The following BOK variants were observed in gnomAD, a reference collection of about 807,000 sequenced individuals.
BOK encodes bcl-2-related ovarian killer protein.
BOK carries 20 observed loss-of-function variants against 18.3 expected under a neutral mutation model. That is an observed-to-expected ratio of 1.09 (90% CI 0.77 to 1.59). The LOEUF (loss-of-function observed/expected upper bound fraction) is 1.59. Ranked by LOEUF, BOK falls within the 40% of genes most tolerant of loss-of-function variation. The pLI, the probability that BOK is intolerant of heterozygous loss-of-function variation, is 0.00. For missense variants in BOK, 348 were observed against 307.9 expected (o/e 1.13, Z -0.97); for synonymous variants, 173 against 142.4 (o/e 1.21, Z -1.53).
chr2:241,560,122 G>A lies in BOK; in HGVS notation c.220+419G>A, dbSNP rs891746623. The A allele has an allele frequency of 2.5e-5, 25 of 985,286 alleles. No individual in the cohort carries two copies. The African/African-American group carries it at 4.0e-4, about 16-fold the overall frequency. The allele number at this position is 985,286 out of a possible 1,614,324, so 61.0% of individuals were successfully genotyped here. Reference sequence around the variant, plus strand: ...CGCCCGCTGCCCTCTGGATTCCGAGGCCTCCGAGGCCCCCCCATTGGAAAC... The same window carrying A: ...CGCCCGCTGCCCTCTGGATTCCGAGACCTCCGAGGCCCCCCCATTGGAAAC... On this transcript the variant is annotated intron_variant, in intron 2 of 4. Transcript: ENST00000318407.
intron 1 of BOK, among the ~76,000 whole-genome samples, chr2:241,552,065 G>A (rs1332623009): frequency 6.6e-6 from 1 of 152,198 alleles, no homozygotes; most frequent in Non-Finnish European, 1.5e-5. Flanking sequence ...TCTCACTGAG[G>A]GTGCTGGGGC....
Position 241,572,454 on chromosome 2 carries a change from C to T in BOK, c.*32C>T, listed in dbSNP as rs1027584464. Reference sequence around the variant, plus strand: ...CACCTGGCAGTGGCCGCAGCCTGGCCCTCTGGGCCCAACGCAGGAGGCCCT... The same window carrying T: ...CACCTGGCAGTGGCCGCAGCCTGGCTCTCTGGGCCCAACGCAGGAGGCCCT... On this transcript the variant is annotated 3_prime_UTR_variant, in exon 5 of 5. Coordinates refer to ENST00000318407, the MANE Select transcript of BOK (RefSeq NM_032515.5). 3 of 1,583,734 alleles carry T rather than the reference C, an allele frequency of 1.9e-6. No individual in the cohort carries two copies. Among genetic ancestry groups the T allele is most frequent in the African/African-American group, 1.3e-5 (1 of 74,760 alleles).
intron 4 of BOK, among the ~76,000 whole-genome samples, chr2:241,571,058 TCAC>T (rs2066710218): frequency 9.5e-6 from 1 of 105,532 alleles, no homozygotes; most frequent in African/African-American, 3.8e-5. Flanking sequence ...GGATGGGTGG[TCAC>T]CTGAGCACTC....
intron 3 of BOK, among the ~76,000 whole-genome samples, chr2:241,567,177 G>A (rs768137345): frequency 7.8e-6 from 1 of 127,992 alleles, no homozygotes; most frequent in Non-Finnish European, 1.6e-5. Flanking sequence ...CTCTTTTGCC[G>A]AGGCTGGAAT....
chr2:241,559,679 G>T lies in BOK; in HGVS notation c.196G>T (p.Val66Leu). The part of the protein sequence containing the change: ...AAPVPGRLAE[V>L]CAVLLRLGDE... ...GCCGGTCCCGGGACGCCTGGCTGAG[G>T]TGTGCGCGGTGCTGCTGCGCCTGGG... The change falls in exon 2 of 5, where the codon GTG (valine) becomes TTG (leucine). Residue 66 changes from valine to leucine, a missense_variant. Val to Leu is a conservative substitution (Grantham distance 32). Transcript: ENST00000318407. The T allele has an allele frequency of 7.4e-7, 1 of 1,356,132 alleles. No homozygotes were observed. The highest frequency in any genetic ancestry group is 1.8e-5 in the South Asian group (1 of 54,198). 84.0% of individuals were successfully genotyped at this position (1,356,132 alleles called of 1,614,324 possible). A position where few individuals can be genotyped will look rare whatever the true frequency, so the allele number is the denominator to read the frequency against.
chr2:241,569,524 A>C (rs2066672225), intron 3 of BOK, among the ~76,000 whole-genome samples: 1 of 152,062 alleles, frequency 6.6e-6, no homozygotes, highest in Admixed American at 6.5e-5. Context: ...TCTTATTATA[A>C]TTTTCTTTTG....
rs1262608826 is a variant in BOK, at chr2:241,562,912, C to T, written c.349+436C>T. Among the ~76,000 whole-genome samples the T allele has an allele frequency of 6.6e-6, 1 of 152,190 alleles. No homozygotes were observed. The highest frequency in any genetic ancestry group is 1.5e-5 in the Non-Finnish European group (1 of 68,028). The stretch of plus-strand genomic sequence containing the variant: ...TTCCCAGACAGCTCCCGAGTAGATG[C>T]TGCCAGGCTGTTAGGATATACCCTC... On this transcript the variant is annotated intron_variant, in intron 3 of 4. Coordinates refer to ENST00000318407, the MANE Select transcript of BOK (RefSeq NM_032515.5). This position sits in a 1 kb window ranked among gnomAD's most constrained non-coding sequence, Gnocchi z 4.5.
chr2:241,567,163 T>C lies in BOK; in HGVS notation c.350-2962T>C, dbSNP rs1456957475. On this transcript the variant is annotated intron_variant, in intron 3 of 4. Coordinates refer to ENST00000318407, the MANE Select transcript of BOK (RefSeq NM_032515.5). Reference sequence around the variant, plus strand: ...TATGTTCTTTTTTTTTTTTTTAATTTTTGCTCTTTTGCCGAGGCTGGAATG... The same window carrying C: ...TATGTTCTTTTTTTTTTTTTTAATTCTTGCTCTTTTGCCGAGGCTGGAATG... 3.8e-5 allele frequency among the ~76,000 whole-genome samples: 5 copies of C among 130,282 alleles called. 1 individual carries two copies. The highest frequency in any genetic ancestry group is 8.1e-5 in the Non-Finnish European group (5 of 61,622). The allele number at this position is 130,282 out of a possible 152,430, so 85.5% of individuals were successfully genotyped here. A position where few individuals can be genotyped will look rare whatever the true frequency, so the allele number is the denominator to read the frequency against.
rs557817108 is a variant in BOK at position 241,567,517 on chromosome 2, A to G, written c.350-2608A>G. Among the ~76,000 whole-genome samples the G allele has an allele frequency of 6.7e-5, 9 of 135,148 alleles. 2 individuals are homozygous for G. Among genetic ancestry groups the G allele is most frequent in the Non-Finnish European group, 1.4e-4 (9 of 63,060 alleles). 88.7% of individuals were successfully genotyped at this position (135,148 alleles called of 152,430 possible). A position where few individuals can be genotyped will look rare whatever the true frequency, so the allele number is the denominator to read the frequency against. On this transcript the variant is annotated intron_variant, in intron 3 of 4. Transcript: ENST00000318407. ...GCTGACATCAGGCTCCGCTCCCCGCATGGCCGTGCCCTTGAAGGAGGAACA... is the reference window on the plus strand; with the variant it reads ...GCTGACATCAGGCTCCGCTCCCCGCGTGGCCGTGCCCTTGAAGGAGGAACA...
intron 3 of BOK, among the ~76,000 whole-genome samples, chr2:241,569,882 C>T (rs1002660297): frequency 2.6e-5 from 4 of 152,238 alleles, no homozygotes; most frequent in Non-Finnish European, 4.4e-5. Context: ...CCTCACCCCA[C>T]GTTGTCCCTG....
At chr2:241,556,581 CAAAA>C (rs55866928), upstream of BOK, among the ~76,000 whole-genome samples, 1 of 86,794 alleles carries the variant, frequency 1.2e-5, no homozygotes. Context: ...GACTCCGTCT[CAAAA>C]AAAAAAAAAA....
intron 2 of BOK, chr2:241,560,270 G>A (rs1194169742): frequency 2.0e-6 from 2 of 985,066 alleles, no homozygotes; most frequent in African/African-American, 3.5e-5. Flanking sequence ...CCAAGGTCTG[G>A]ACCCAAGAGG....
upstream of BOK, among the ~76,000 whole-genome samples, chr2:241,557,195 T>A (rs570994135): frequency 1.3e-5 from 2 of 152,292 alleles, no homozygotes; most frequent in East Asian, 3.9e-4. Flanking sequence ...TTTTTTGCTT[T>A]ATTCCATTAA....
intron 3 of BOK, among the ~76,000 whole-genome samples, chr2:241,565,059 G>A (rs1456276996): frequency 3.3e-5 from 5 of 152,276 alleles, no homozygotes; most frequent in African/African-American, 4.8e-5. Flanking sequence ...ATGGCTGGAC[G>A]AGCGGGCACA....
rs1423604901 is a variant in BOK at position 241,559,523 on chromosome 2, A to C, written c.40A>C (p.Ile14Leu). ...GCGCTCCTCGGTCTTCGCCGCCGAG[A>C]TCATGGACGCCTTTGACCGCTCGCC... Reference protein sequence around the residue: ...LRRSSVFAAEIMDAFDRSPTD... With the variant: ...LRRSSVFAAELMDAFDRSPTD... Residue 14 changes from isoleucine to leucine, a missense_variant, in exon 2 of 5, where the codon ATC becomes CTC. Physicochemically the swap from Ile to Leu is conservative, Grantham distance 5 (BLOSUM62 2). Coordinates refer to ENST00000318407, the MANE Select transcript of BOK (RefSeq NM_032515.5). 1.3e-6 allele frequency: 2 copies of C among 1,512,340 alleles called. No individual in the cohort carries two copies. Among genetic ancestry groups the C allele is most frequent in the Admixed American group, 4.2e-5 (2 of 47,924 alleles). 93.7% of individuals were successfully genotyped at this position (1,512,340 alleles called of 1,614,324 possible).
intron 1 of BOK, among the ~76,000 whole-genome samples, chr2:241,553,494 C>T (rs1248517866): frequency 2.6e-5 from 4 of 152,108 alleles, no homozygotes; most frequent in Non-Finnish European, 4.4e-5. Context: ...AATTGGCTCA[C>T]GGTTCCACAG....
At position 241,562,122 on chromosome 2, in the gene BOK, C is replaced by T. The variant is rs1348859806; in HGVS notation, c.221-226C>T. 1.3e-5 allele frequency among the ~76,000 whole-genome samples: 2 copies of T among 152,194 alleles called. No individual in the cohort carries two copies. The highest frequency in any genetic ancestry group is 2.9e-5 in the Non-Finnish European group (2 of 68,032). On this transcript the variant is annotated intron_variant, in intron 2 of 4. Transcript: ENST00000318407. This position sits in a 1 kb window ranked among gnomAD's most constrained non-coding sequence, Gnocchi z 4.5. ...CTCGTCAGAGGGGCGGGACTGGGGG[C>T]GCCTTCAGTACTTCCTTGGTCTTCT...
rs184075683 is a variant in BOK, at chr2:241,568,088, C to A, written c.350-2037C>A. 3.3e-5 allele frequency among the ~76,000 whole-genome samples: 5 copies of A among 152,232 alleles called. No individual in the cohort carries two copies. In the East Asian group the frequency reaches 9.7e-4, roughly 29 times the overall value. ...CAAGCATGTGTTTTTGAGGCCCATC[C>A]ATGCCCAGCCTGCCTCAGAGCCCCA... On this transcript the variant is annotated intron_variant, in intron 3 of 4. Coordinates refer to ENST00000318407, the MANE Select transcript of BOK (RefSeq NM_032515.5).
upstream of BOK, among the ~76,000 whole-genome samples, chr2:241,556,517 G>A (rs1574991981): frequency 6.7e-6 from 1 of 149,328 alleles, no homozygotes; most frequent in Admixed American, 6.7e-5. Context: ...CCAGGAGGCG[G>A]GGTTGCAGTG....
Sources: allele counts gnomAD v4.1 joint callset (sites outside exome capture counted in the v4.1 genomes callset), GRCh38; gene constraint gnomAD v4.1.1; non-coding constraint Gnocchi (gnomAD v3.1); transcripts MANE v1.5; gene names NCBI Gene and HGNC (gene_info 2026-07-23, HGNC 2026-07-21).